Variants in C16orf74 observed in about 807,000 individuals in gnomAD.
The protein encoded by C16orf74 is calcimembrin, also known as uncharacterized protein C16orf74.
In C16orf74, 10 loss-of-function variants were observed where a neutral mutation model predicts 6.5. That is an observed-to-expected ratio of 1.54 (90% CI 0.95 to 2.61). The LOEUF (loss-of-function observed/expected upper bound fraction) is 2.61. Among genes scored for constraint, C16orf74 ranks in the 30% most tolerant of loss-of-function variants. The pLI is 0.00. For missense variants in C16orf74, 141 were observed against 105.9 expected, an observed-to-expected ratio of 1.33 and a Z score of -1.45; for synonymous variants, 60 against 42.5, an observed-to-expected ratio of 1.41 and a Z score of -1.60.
rs116330775 is a variant in C16orf74 at position 85,726,286 on chromosome 16, C to T, written c.28+8904G>A. 3.3e-3 allele frequency among the ~76,000 whole-genome samples: 505 copies of T among 152,322 alleles called. 5 individuals are homozygous for T. The highest frequency in any genetic ancestry group is 0.011 in the African/African-American group (471 of 41,570). ...CTCTGTGCTGCTCACTGCTGCATCCCGAGGGCTGAGTGTGCTGCCTGGCAT... is the reference window on the plus strand; with the variant it reads ...CTCTGTGCTGCTCACTGCTGCATCCTGAGGGCTGAGTGTGCTGCCTGGCAT... On this transcript the variant is annotated intron_variant, in intron 2 of 3. Coordinates refer to ENST00000284245, the MANE Select transcript of C16orf74 (RefSeq NM_206967.3).
At chr16:85,748,042 C>T (rs2054392765) in intron 1 of C16orf74, among the ~76,000 whole-genome samples, 1 of 126,768 alleles carries the variant, frequency 7.9e-6, no homozygotes, top group African/African-American at 2.5e-5. Flanking sequence ...GCTGGTATTG[C>T]ACCACTGCAC....
intron 2 of C16orf74, among the ~76,000 whole-genome samples, chr16:85,732,665 C>CAAA (rs66539936): frequency 0.2 from 8,568 of 43,914 alleles, 1,581 homozygotes; most frequent in Middle Eastern, 0.28. Context: ...GACTCTGTCT[C>CAAA]AAAAAAAAAA....
chr16:85,747,040 G>A (rs1004641656), intron 1 of C16orf74, among the ~76,000 whole-genome samples: 8 of 152,058 alleles, frequency 5.3e-5, no homozygotes, highest in Non-Finnish European at 1.0e-4. Flanking sequence ...AGCAGGAAGC[G>A]AAACAGGATG....
At chr16:85,717,590 T>G (rs2054037782) in intron 2 of C16orf74, among the ~76,000 whole-genome samples, 1 of 152,172 alleles carries the variant, frequency 6.6e-6, no homozygotes, top group Non-Finnish European at 1.5e-5. Flanking sequence ...TAGGGGGTCC[T>G]GAGCTGGGGG....
At chr16:85,728,116 C>A (rs2054152487) in intron 2 of C16orf74, among the ~76,000 whole-genome samples, 1 of 151,920 alleles carries the variant, frequency 6.6e-6, no homozygotes, top group South Asian at 2.1e-4. Flanking sequence ...CCAGCCTGAG[C>A]AACAGAGGGA....
rs185844809 is a variant in C16orf74 at position 85,746,609 on chromosome 16, T to C, written c.-19+4317A>G. Reference sequence around the variant, plus strand: ...CCCTGCTTGCCTAACAAAGACCTCCTGGGAGGAGGACCCAGAAGAGGGCAG... The same window carrying C: ...CCCTGCTTGCCTAACAAAGACCTCCCGGGAGGAGGACCCAGAAGAGGGCAG... On this transcript the variant is annotated intron_variant, in intron 1 of 3. Coordinates refer to ENST00000284245, the MANE Select transcript of C16orf74 (RefSeq NM_206967.3). Among the ~76,000 whole-genome samples, 370 of 152,236 alleles carry C rather than the reference T, an allele frequency of 2.4e-3. 5 individuals carry two copies. The highest frequency in any genetic ancestry group is 3.2e-3 in the Non-Finnish European group (220 of 68,018).
intron 2 of C16orf74, among the ~76,000 whole-genome samples, chr16:85,714,600 C>T (rs842967): frequency 2.0e-5 from 3 of 150,598 alleles, no homozygotes; most frequent in Non-Finnish European, 4.4e-5. Context: ...TTATATTTTT[C>T]GTAGAGACGG....
chr16:85,715,043 G>A (rs2054009248), intron 2 of C16orf74, among the ~76,000 whole-genome samples: 2 of 151,500 alleles, frequency 1.3e-5, no homozygotes, highest in East Asian at 2.0e-4. Flanking sequence ...TGTAGTCCCA[G>A]CTACTCGGGA....
At chr16:85,726,773 A>G (rs2054137987) in intron 2 of C16orf74, among the ~76,000 whole-genome samples, 2 of 152,080 alleles carry the variant, frequency 1.3e-5, no homozygotes, top group African/African-American at 4.8e-5. Flanking sequence ...GAAACTCCAC[A>G]TTCCCTGCCT....
intron 1 of C16orf74, among the ~76,000 whole-genome samples, chr16:85,736,791 C>T (rs1000591355): frequency 1.3e-5 from 2 of 152,182 alleles, no homozygotes; most frequent in Non-Finnish European, 2.9e-5. Context: ...CAGTGGCTCA[C>T]GCCTATAATC....
chr16:85,740,609 G>A (rs551970169), intron 1 of C16orf74, among the ~76,000 whole-genome samples: 1 of 150,782 alleles, frequency 6.6e-6, no homozygotes, highest in African/African-American at 2.4e-5. Context: ...GAAGAATGGC[G>A]TGAACCCGGG....
chr16:85,729,895 G>C (rs948027539), intron 2 of C16orf74, among the ~76,000 whole-genome samples: 6 of 152,162 alleles, frequency 3.9e-5, no homozygotes, highest in African/African-American at 1.4e-4. Flanking sequence ...AACAATGAGA[G>C]AATAAAAATT....
In C16orf74 at chr16:85,718,611, C is replaced by T. The variant is rs142719936; in HGVS notation, c.29-8304G>A. ...TGGGGTAAATAACAGTGCCCAGGTC[C>T]GGGTGGGCAGGCATGAGAGGTTAAG... On this transcript the variant is annotated intron_variant, in intron 2 of 3. Transcript: ENST00000284245. Among the ~76,000 whole-genome samples the T allele has an allele frequency of 9.1e-4, 139 of 152,314 alleles. 2 individuals carry two copies. The highest frequency in any genetic ancestry group is 3.4e-3 in the Middle Eastern group (1 of 294).
intron 2 of C16orf74, 85 bp from the exon 3 acceptor site, chr16:85,710,392 C>G: frequency 1.5e-6 from 2 of 1,348,556 alleles, no homozygotes; most frequent in Non-Finnish European, 1.9e-6. Context: ...GCGGGCGCCA[C>G]CCTCCCTTCA....
intron 2 of C16orf74, among the ~76,000 whole-genome samples, chr16:85,719,731 A>G (rs557985322): frequency 2.0e-5 from 3 of 152,302 alleles, no homozygotes; most frequent in Admixed American, 2.0e-4. Flanking sequence ...AGAAAGCGGC[A>G]GGAGAGATTC....
chr16:85,714,998 T>C (rs551296024), intron 2 of C16orf74, among the ~76,000 whole-genome samples: 1 of 150,190 alleles, frequency 6.7e-6, no homozygotes, highest in South Asian at 2.1e-4. Flanking sequence ...CTACTAAAAA[T>C]ACAAAAAAAT....
chr16:85,732,711 C>T (rs1401312034), intron 2 of C16orf74, among the ~76,000 whole-genome samples: 1 of 148,212 alleles, frequency 6.7e-6, no homozygotes, highest in East Asian at 2.1e-4. Context: ...CCCTAATCCC[C>T]ATTCCCCAAG....
intron 1 of C16orf74, among the ~76,000 whole-genome samples, chr16:85,747,017 G>A (rs1597185080): frequency 6.6e-6 from 1 of 152,106 alleles, no homozygotes; most frequent in East Asian, 1.9e-4. Flanking sequence ...CTGGCCCACA[G>A]GAAGCCTTCA....
chr16:85,725,628 C>G (rs2054125167), intron 2 of C16orf74, among the ~76,000 whole-genome samples: 1 of 152,176 alleles, frequency 6.6e-6, no homozygotes, highest in Non-Finnish European at 1.5e-5. Context: ...TGTTGCCAGG[C>G]TGGAGTGCAG....
Sources: gnomAD v4.1 joint callset for allele counts (sites outside exome capture counted in the v4.1 genomes callset) on GRCh38, gnomAD v4.1.1 for gene constraint, MANE v1.5 for transcripts, NCBI Gene and HGNC (gene_info 2026-07-23, HGNC 2026-07-21) for gene names.